Variants in DIAPH2 observed in about 807,000 individuals in gnomAD.
DIAPH2 encodes the protein diaphanous related formin 2, also known as protein diaphanous homolog 2.
In DIAPH2, 35 loss-of-function variants were observed where a neutral mutation model predicts 92.7. That is an observed-to-expected ratio of 0.38 (90% CI 0.29 to 0.50). DIAPH2 has a LOEUF of 0.50. Among genes scored for constraint, DIAPH2 ranks in the 20% least tolerant of loss-of-function variants. The pLI, the probability that DIAPH2 is intolerant of heterozygous loss-of-function variation, is 0.94. For missense variants in DIAPH2, 701 were observed against 819.5 expected, an observed-to-expected ratio of 0.86 and a Z score of 1.77; for synonymous variants, 301 against 280.4, an observed-to-expected ratio of 1.07 and a Z score of -0.73.
At chrX:96,786,369 G>T (rs188485889) in intron 4 of DIAPH2, among the ~76,000 whole-genome samples, 1 of 111,795 alleles carries the variant, frequency 8.9e-6, no homozygotes, top group Admixed American at 9.5e-5. Context: ...AGGGGCTTCA[G>T]GTAATTAGAA....
At chrX:96,734,986 A>G (rs866595293) in intron 1 of DIAPH2, among the ~76,000 whole-genome samples, 1 of 111,412 alleles carries the variant, frequency 9.0e-6, no homozygotes, top group African/African-American at 3.3e-5. Flanking sequence ...TTCTTTCCTA[A>G]TCACACCCCT....
intron 22 of DIAPH2, among the ~76,000 whole-genome samples, chrX:97,242,213 C>T (rs774290423): frequency 6.6e-4 from 73 of 111,057 alleles, no homozygotes; most frequent in African/African-American, 2.4e-3. Context: ...ACTGGGCACT[C>T]CTTTGCCATC....
intron 1 of DIAPH2, among the ~76,000 whole-genome samples, chrX:96,715,901 C>CT (rs768592472): frequency 1.7e-3 from 168 of 99,778 alleles, no homozygotes; most frequent in East Asian, 3.1e-3. Context: ...TTGGTTTAAT[C>CT]TTTTTTTTTT....
chrX:97,183,313 C>G (rs759382467), intron 22 of DIAPH2, among the ~76,000 whole-genome samples: 9 of 111,237 alleles, frequency 8.1e-5, no homozygotes, highest in Non-Finnish European at 1.3e-4. Context: ...TGCTGGCTGG[C>G]TCCTCCTTGG....
At chrX:96,949,623 C>T (rs1255954489) in intron 15 of DIAPH2, among the ~76,000 whole-genome samples, 3 of 101,379 alleles carry the variant, frequency 3.0e-5, no homozygotes, top group East Asian at 6.1e-4. Flanking sequence ...GCGGGCAGAT[C>T]ACGAGGTCAG....
chrX:96,818,283 T>G (rs2147672392), intron 4 of DIAPH2, among the ~76,000 whole-genome samples: 1 of 110,203 alleles, frequency 9.1e-6, no homozygotes, highest in Admixed American at 9.6e-5. Context: ...CTGGTCAGTT[T>G]AACTTTCTTT....
At chrX:96,757,345 T>G (rs180946458) in intron 3 of DIAPH2, among the ~76,000 whole-genome samples, 65 of 112,188 alleles carry the variant, frequency 5.8e-4, no homozygotes, top group African/African-American at 1.9e-3. Flanking sequence ...AGACATATGA[T>G]TTGTAACCAT....
rs191892716 is a variant in DIAPH2 at position 97,426,881 on chromosome X, C to A, written c.3146-2769C>A. On this transcript the variant is annotated intron_variant, in intron 25 of 26. Transcript: ENST00000324765. The stretch of plus-strand genomic sequence containing the variant: ...TTTGGTTGAATGTTTACTTAATGTA[C>A]TAAAAATCAATTTGGCCAGGCGCAG... Among the ~76,000 whole-genome samples the A allele has an allele frequency of 3.1e-4, 34 of 111,102 alleles. 1 individual carries two copies. The East Asian group carries it at 8.8e-3, about 29-fold the overall frequency.
At chrX:97,426,024 G>A (rs764293954) in intron 25 of DIAPH2, among the ~76,000 whole-genome samples, 80 of 109,442 alleles carry the variant, frequency 7.3e-4, no homozygotes, top group African/African-American at 2.5e-3. Context: ...TTTGCATTTC[G>A]GACCCACATT....
intron 22 of DIAPH2, among the ~76,000 whole-genome samples, chrX:97,160,028 C>T (rs1293785199): frequency 9.6e-6 from 1 of 104,437 alleles, no homozygotes; most frequent in African/African-American, 3.5e-5. Flanking sequence ...GGGAGGAATT[C>T]TCAAGCCTTG....
At chrX:97,285,383 C>CAAA (rs11336007) in intron 23 of DIAPH2, among the ~76,000 whole-genome samples, 146 of 38,090 alleles carry the variant, frequency 3.8e-3, no homozygotes, top group Middle Eastern at 0.02. Flanking sequence ...ACTAAAAATA[C>CAAA]AAAAAAAAAA....
chrX:97,434,475 C>T (rs1333427328), intron 26 of DIAPH2, among the ~76,000 whole-genome samples: 1 of 104,690 alleles, frequency 9.6e-6, no homozygotes, highest in Non-Finnish European at 1.9e-5. Flanking sequence ...GTGGTGCGAT[C>T]TCCGCTCACT....
At chrX:97,302,080 G>T (rs775101697) in intron 23 of DIAPH2, among the ~76,000 whole-genome samples, 1 of 107,667 alleles carries the variant, frequency 9.3e-6, no homozygotes, top group Non-Finnish European at 1.9e-5. Context: ...AGGCATGGTG[G>T]TGCGTGCCTG....
intron 26 of DIAPH2, among the ~76,000 whole-genome samples, chrX:97,435,982 T>G (rs2070181567): frequency 9.1e-6 from 1 of 110,388 alleles, no homozygotes; most frequent in African/African-American, 3.3e-5. Flanking sequence ...AATTTTTGTA[T>G]TTTTAGTAGA....
rs760073834 is a variant in DIAPH2, at chrX:97,090,298, C to CTTTTT, written c.2248-9364_2248-9360dup. Among the ~76,000 whole-genome samples, 40 of 38,867 alleles carry CTTTTT rather than the reference C, an allele frequency of 1.0e-3. 12 individuals carry two copies. Among genetic ancestry groups the CTTTTT allele is most frequent in the Non-Finnish European group, 1.2e-3 (26 of 21,823 alleles). The allele number at this position is 38,867 out of a possible 115,157, so 33.8% of individuals were successfully genotyped here. A position where few individuals can be genotyped will look rare whatever the true frequency, so the allele number is the denominator to read the frequency against. On this transcript the variant is annotated intron_variant, in intron 19 of 26. Coordinates refer to ENST00000324765, the MANE Select transcript of DIAPH2 (RefSeq NM_006729.5). Reference sequence around the variant, plus strand: ...GTGATCCTCTGATTGTCTCTGATCCCTTTTTTTTTTTTTTTTTTTTTTTTT... The same window carrying CTTTTT: ...GTGATCCTCTGATTGTCTCTGATCCCTTTTTTTTTTTTTTTTTTTTTTTTTTTTTT...
intron 4 of DIAPH2, among the ~76,000 whole-genome samples, chrX:96,797,306 C>T (rs1439877636): frequency 2.7e-5 from 3 of 110,469 alleles, no homozygotes; most frequent in Non-Finnish European, 5.7e-5. Flanking sequence ...TATGGTGAAA[C>T]CCCGTCTCTA....
intron 26 of DIAPH2, among the ~76,000 whole-genome samples, chrX:97,491,179 C>T (rs776042521): frequency 5.2e-4 from 58 of 110,901 alleles, no homozygotes; most frequent in African/African-American, 1.6e-3. Flanking sequence ...GCCTCTATGT[C>T]GGTTTTTGAC....
At position 97,190,158 on chromosome X, in the gene DIAPH2, T is replaced by G. The variant is rs1023461493; in HGVS notation, c.2719+48364T>G. 3.5e-5 allele frequency among the ~76,000 whole-genome samples: 4 copies of G among 112,862 alleles called. No homozygotes were observed. In the Admixed American group the frequency reaches 3.7e-4, roughly 11 times the overall value. On this transcript the variant is annotated intron_variant, in intron 22 of 26. Coordinates refer to ENST00000324765, the MANE Select transcript of DIAPH2 (RefSeq NM_006729.5). ...GATCTGCTCTGTTTTTCAACCAAAT[T>G]CTTTGTGAATTCATGGCATTGGTAG... is the stretch of plus-strand genomic sequence containing the variant.
At chrX:97,469,945 G>A in intron 26 of DIAPH2, 1 of 604,044 alleles carries the variant, frequency 1.7e-6, no homozygotes, top group Non-Finnish European at 2.4e-6. Flanking sequence ...ATCTATGCCT[G>A]GAAAGAAAAT....
Sources: gnomAD v4.1 joint callset for allele counts (sites outside exome capture counted in the v4.1 genomes callset) on GRCh38, gnomAD v4.1.1 for gene constraint, MANE v1.5 for transcripts, NCBI Gene and HGNC (gene_info 2026-07-23, HGNC 2026-07-21) for gene names.